The following CLCA1 variants were observed in gnomAD, a reference collection of about 807,000 sequenced individuals.
CLCA1 encodes calcium-activated chloride channel regulator 1.
CLCA1 carries 59 observed loss-of-function variants against 85.6 expected under a neutral mutation model. That is an observed-to-expected ratio of 0.69 (90% confidence interval 0.56 to 0.86). CLCA1 has a LOEUF of 0.86. Among genes scored for constraint, CLCA1 ranks in the 40% least tolerant of loss-of-function variants. The pLI is 0.00. For missense variants in CLCA1, 1,022 were observed against 1,101.4 expected (o/e 0.93, Z 1.02); for synonymous variants, 396 against 398.3 (o/e 0.99, Z 0.07).
intron 12 of CLCA1, among the ~76,000 whole-genome samples, chr1:86,497,056 G>A (rs1283932941): frequency 6.6e-6 from 1 of 152,248 alleles, no homozygotes; most frequent in Non-Finnish European, 1.5e-5. Context: ...GTTAGGGGAA[G>A]GAGGCAGAAG....
At chr1:86,495,000 A>C (rs1477190627) in intron 11 of CLCA1, among the ~76,000 whole-genome samples, 2 of 151,756 alleles carry the variant, frequency 1.3e-5, no homozygotes, top group East Asian at 1.9e-4. Context: ...GTCTTTAAGA[A>C]GTCTATCAGG....
chr1:86,482,401 C>G lies in CLCA1; in HGVS notation c.735+19C>G. On this transcript the variant is annotated intron_variant, in intron 5 of 13. Coordinates refer to ENST00000394711, the MANE Select transcript of CLCA1 (RefSeq NM_001285.4). ...TGATTCTGTAAGTACCTTGTTCTCACCCCCTCCCCCAGATTCTTATGAATT... is the reference window on the plus strand; with the variant it reads ...TGATTCTGTAAGTACCTTGTTCTCAGCCCCTCCCCCAGATTCTTATGAATT... 4 of 1,602,740 alleles carry G rather than the reference C, an allele frequency of 2.5e-6. No homozygotes were observed. Among genetic ancestry groups the G allele is most frequent in the Middle Eastern group, 1.7e-4 (1 of 5,998 alleles).
Position 86,494,441 on chromosome 1 carries a change from T to C in CLCA1, c.1935T>C (p.Asn645=). Residue 645 remains asparagine (N), a synonymous_variant, in exon 11 of 14, where the codon AAT becomes AAC. Transcript: ENST00000394711. ...CAGTTACCTTGGAACTACTGGATAA[T>C]GGAGCAGGTAATCACCCAAGAAATT... The part of the protein sequence containing the change: ...GKTVTLELLD[N]GAGADATKDD... The C allele has an allele frequency of 1.2e-6, 2 of 1,613,890 alleles. No homozygotes were observed. The highest frequency in any genetic ancestry group is 1.7e-6 in the Non-Finnish European group (2 of 1,179,774).
rs368164431 is a variant in CLCA1, at chr1:86,499,685, T to A, written c.2385T>A (p.Ser795Arg). Residue 795 changes from serine (S) to arginine (R), a missense_variant, in exon 14 of 14, where the codon AGT becomes AGA. By Grantham distance (110) the Ser-to-Arg change is moderately radical. Coordinates refer to ENST00000394711, the MANE Select transcript of CLCA1 (RefSeq NM_001285.4). The part of the protein sequence containing the change: ...AHKYIIRIST[S>R]ILDLRDKFNE... ...AGTATATCATTCGAATAAGTACAAG[T>A]ATTCTTGATCTCAGAGACAAGTTCA... 1.5e-5 allele frequency: 24 copies of A among 1,598,260 alleles called. No homozygotes were observed. The highest frequency in any genetic ancestry group is 2.1e-5 in the Non-Finnish European group (24 of 1,166,772).
intron 5 of CLCA1, among the ~76,000 whole-genome samples, chr1:86,482,881 A>G (rs1647856976): frequency 6.6e-6 from 1 of 152,182 alleles, no homozygotes; most frequent in Non-Finnish European, 1.5e-5. Context: ...ATAGTTTTAA[A>G]ATTCTTAATT....
Position 86,482,287 on chromosome 1 carries a change from A to G in CLCA1, c.640A>G (p.Lys214Glu). 1.9e-6 allele frequency: 3 copies of G among 1,613,954 alleles called. No individual in the cohort carries two copies. Among genetic ancestry groups the G allele is most frequent in the Middle Eastern group, 3.3e-4 (2 of 6,062 alleles). ...SCYTKRCTFN[K>E]VTGLYEKGCE... ...TTACACCAAAAGATGCACATTCAAT[A>G]AAGTAACAGGACTCTATGAAAAAGG... The change falls in exon 5 of 14, where the codon AAA becomes GAA. Residue 214 changes from lysine to glutamate, a missense_variant. By Grantham distance (56) the Lys-to-Glu change is moderately conservative. Coordinates refer to ENST00000394711, the MANE Select transcript of CLCA1 (RefSeq NM_001285.4).
intron 9 of CLCA1, among the ~76,000 whole-genome samples, chr1:86,492,024 A>G (rs2101744948): frequency 8.1e-6 from 1 of 123,914 alleles, no homozygotes; most frequent in Non-Finnish European, 1.9e-5. Context: ...AACTATTAAG[A>G]AAAAAGAAAA....
chr1:86,473,970 T>G (rs570999185), intron 3 of CLCA1, 94 bp downstream of exon 3: 45 of 844,832 alleles, frequency 5.3e-5, no homozygotes, highest in Admixed American at 1.7e-4. Flanking sequence ...TAAGCATGTA[T>G]AAGCCAAACA....
chr1:86,490,511 T>C (rs978873095), intron 8 of CLCA1, among the ~76,000 whole-genome samples: 1 of 152,216 alleles, frequency 6.6e-6, no homozygotes, highest in Admixed American at 6.5e-5. Flanking sequence ...CTGTCACATA[T>C]GTGCCTTTCC....
intron 3 of CLCA1, among the ~76,000 whole-genome samples, chr1:86,474,252 A>C (rs1005717479): frequency 1.3e-5 from 2 of 152,222 alleles, no homozygotes; most frequent in Admixed American, 1.3e-4. Context: ...GTATATGTGC[A>C]GTGCTCTCAG....
intron 11 of CLCA1, 68 bp downstream of exon 11, chr1:86,494,516 G>C (rs1309000472): frequency 2.0e-5 from 32 of 1,564,210 alleles, no homozygotes; most frequent in Non-Finnish European, 2.8e-5. Flanking sequence ...ATGCCAAGAG[G>C]GCATGGTCTG....
chr1:86,490,830 C>A (rs1234541840), intron 8 of CLCA1, among the ~76,000 whole-genome samples: 1 of 149,838 alleles, frequency 6.7e-6, no homozygotes, highest in Non-Finnish European at 1.5e-5. Context: ...TTTTAGGAGG[C>A]CAAGGCAGGT....
chr1:86,490,172 G>A (rs1430943716), intron 8 of CLCA1, among the ~76,000 whole-genome samples: 3 of 152,186 alleles, frequency 2.0e-5, no homozygotes, highest in Admixed American at 6.5e-5. Flanking sequence ...ACAGGGCAGA[G>A]GAGAGGGGCA....
In CLCA1 at chr1:86,486,561, C is replaced by T. The variant is rs1367426840; in HGVS notation, c.990C>T (p.Gly330=). Residue 330 remains glycine, a synonymous_variant, in exon 7 of 14, where the codon GGC becomes GGT. Transcript: ENST00000394711. ...GCCTCAATCGACTGAATCAAGCAGG[C>T]CAGCTTTTCCTGCTGCAGACAGTTG... ...GNRLNRLNQA[G]QLFLLQTVEL... 1 of 1,614,030 alleles carries T rather than the reference C, an allele frequency of 6.2e-7. No homozygotes were observed. Among genetic ancestry groups the T allele is most frequent in the African/African-American group, 1.3e-5 (1 of 74,896 alleles).
chr1:86,469,510 C>A (rs1184576471), intron 1 of CLCA1, among the ~76,000 whole-genome samples: 3 of 152,222 alleles, frequency 2.0e-5, no homozygotes, highest in Admixed American at 6.5e-5. Flanking sequence ...ACGAGTCAGA[C>A]TCTCCTTTTA....
chr1:86,476,068 G>A (rs1647628840), intron 3 of CLCA1, among the ~76,000 whole-genome samples: 1 of 152,144 alleles, frequency 6.6e-6, no homozygotes. Flanking sequence ...TGAGGATGCT[G>A]CCCTGGCTGC....
chr1:86,476,641 C>T, intron 4 of CLCA1, 88 bp downstream of exon 4: 1 of 580,808 alleles, frequency 1.7e-6, no homozygotes, highest in Non-Finnish European at 3.0e-6. Context: ...AATGTGTGTC[C>T]TGGCTTATTT....
intron 1 of CLCA1, among the ~76,000 whole-genome samples, chr1:86,471,991 G>T (rs1216812540): frequency 6.6e-6 from 1 of 150,536 alleles, no homozygotes; most frequent in African/African-American, 2.4e-5. Flanking sequence ...CAAGGACTTT[G>T]CTCCTGCAAT....
chr1:86,477,932 G>A (rs1435934095), intron 4 of CLCA1, among the ~76,000 whole-genome samples: 1 of 152,200 alleles, frequency 6.6e-6, no homozygotes, highest in Non-Finnish European at 1.5e-5. Context: ...CCTTTAAGGA[G>A]ATGCACTCGG....
Sources: gnomAD v4.1 joint callset for allele counts (sites outside exome capture counted in the v4.1 genomes callset) on GRCh38, gnomAD v4.1.1 for gene constraint, MANE v1.5 for transcripts, NCBI Gene and HGNC (gene_info 2026-07-23, HGNC 2026-07-21) for gene names.